The following RASGRF1 variants were observed in gnomAD, a reference collection of about 807,000 sequenced individuals.
RASGRF1 encodes Ras protein specific guanine nucleotide releasing factor 1.
Under a neutral mutation model 138.7 loss-of-function variants are expected in RASGRF1, and 40 were observed. The observed-to-expected ratio is 0.29, with a 90% CI of 0.22 to 0.38. The LOEUF (loss-of-function observed/expected upper bound fraction) is 0.38, where lower values mean the gene tolerates loss of function less well. Ranked by LOEUF, RASGRF1 falls within the 10% of genes least tolerant of loss-of-function variation. The probability of loss-of-function intolerance (pLI) is 1.00; values close to 1 mark genes in which losing one functional copy is unlikely to be tolerated. For synonymous variants in RASGRF1, 614 were observed against 663.2 expected (o/e 0.93, Z 1.14); for missense variants, 1,108 against 1,650.4 (o/e 0.67, Z 5.69).
intron 6 of RASGRF1, among the ~76,000 whole-genome samples, chr15:79,034,924 G>C (rs1345521582): frequency 6.6e-6 from 1 of 152,222 alleles, no homozygotes; most frequent in Non-Finnish European, 1.5e-5. Flanking sequence ...AGGGGAAAGT[G>C]GATAGGAAAC....
chr15:79,089,045 T>C (rs2058018458), intron 1 of RASGRF1, among the ~76,000 whole-genome samples: 1 of 152,218 alleles, frequency 6.6e-6, no homozygotes, highest in East Asian at 1.9e-4. Context: ...CTTCAAGCGA[T>C]GCTTTTATTT....
At chr15:79,042,408 G>GA (rs2057308412) in intron 5 of RASGRF1, among the ~76,000 whole-genome samples, 1 of 152,232 alleles carries the variant, frequency 6.6e-6, no homozygotes, top group Non-Finnish European at 1.5e-5. Context: ...GTCTGAGGCA[G>GA]GGAGAGCAGT....
intron 26 of RASGRF1, among the ~76,000 whole-genome samples, chr15:78,968,417 G>A (rs372360755): frequency 1.9e-4 from 29 of 151,896 alleles, no homozygotes; most frequent in East Asian, 1.4e-3. Context: ...GACTACAGGC[G>A]TGCACCACCA....
chr15:78,990,622 G>A (rs1417961218), intron 21 of RASGRF1, among the ~76,000 whole-genome samples: 1 of 152,226 alleles, frequency 6.6e-6, no homozygotes, highest in Non-Finnish European at 1.5e-5. Context: ...TTTCTGACAG[G>A]GAGAATTCAC....
At position 79,079,619 on chromosome 15, in the gene RASGRF1, T is replaced by C. The variant is rs147207836; in HGVS notation, c.276+10604A>G. Among the ~76,000 whole-genome samples, 38 of 152,232 alleles carry C rather than the reference T, an allele frequency of 2.5e-4. No individual in the cohort carries two copies. The East Asian group carries it at 5.4e-3, about 22-fold the overall frequency. ...TTATATAATTATACATGCATGCATA[T>C]AGACAGACAGATGTTTGCATGTACA... is the stretch of plus-strand genomic sequence containing the variant. On this transcript the variant is annotated intron_variant, in intron 1 of 26. Transcript: ENST00000558480.
rs1394678552 is a variant in RASGRF1 at position 79,090,322 on chromosome 15, G to T, written c.177C>A (p.Ser59Arg). 1 of 1,613,760 alleles carries T rather than the reference G, an allele frequency of 6.2e-7. No homozygotes were observed. The highest frequency in any genetic ancestry group is 1.3e-5 in the African/African-American group (1 of 74,942). Residue 59 changes from serine (S) to arginine (R), a missense_variant, in exon 1 of 27, where the codon AGC (serine) becomes AGA (arginine). By Grantham distance (110) the Ser-to-Arg change is moderately radical. This residue lies in a region of RASGRF1 where 253 missense variants were observed against 329.5 expected (regional missense o/e 0.77). Transcript: ENST00000558480. ...NLLFYFESDS[S>R]SRPSGLYLLE... ...GCAGGTAAAGCCCCGAGGGCCGCGA[G>T]CTCGAGTCGCTCTCGAAGTAGAAGA...
chr15:79,042,305 C>A (rs2057306915), intron 5 of RASGRF1, among the ~76,000 whole-genome samples: 1 of 152,170 alleles, frequency 6.6e-6, no homozygotes, highest in South Asian at 2.1e-4. Context: ...AGCCTAAAAG[C>A]AAATCTAGGG....
rs981733544 is a variant in RASGRF1, at chr15:79,001,735, A to G, written c.2502T>C (p.Asp834=). ...TTGGTGATGTTTCAGTATCACCATC[A>G]TCACTCTGGTTTTGATCAATATCTG... is the stretch of plus-strand genomic sequence containing the variant. ...EESDIDQNQS[D]DGDTETSPTK... Residue 834 remains aspartate, a synonymous_variant, in exon 16 of 27, where the codon GAT becomes GAC. Transcript: ENST00000558480. 9.9e-6 allele frequency: 16 copies of G among 1,610,574 alleles called. No individual in the cohort carries two copies. The highest frequency in any genetic ancestry group is 1.3e-5 in the Non-Finnish European group (15 of 1,176,858).
At chr15:78,989,852 G>C (rs2056232694) in intron 22 of RASGRF1, among the ~76,000 whole-genome samples, 1 of 152,148 alleles carries the variant, frequency 6.6e-6, no homozygotes, top group African/African-American at 2.4e-5. Context: ...CTTTGCCACA[G>C]ACTCCGCAAA....
intron 26 of RASGRF1, among the ~76,000 whole-genome samples, chr15:78,963,850 A>G (rs779708230): frequency 2.0e-5 from 3 of 152,204 alleles, no homozygotes; most frequent in Non-Finnish European, 4.4e-5. Flanking sequence ...AGACATGGCG[A>G]TTTTATGACC....
chr15:79,030,705 G>A (rs2057124471), intron 8 of RASGRF1, among the ~76,000 whole-genome samples: 1 of 152,184 alleles, frequency 6.6e-6, no homozygotes, highest in South Asian at 2.1e-4. Flanking sequence ...CTTGACTCTA[G>A]TCTTTCTCTT....
chr15:79,086,406 G>A (rs1428495366), intron 1 of RASGRF1, among the ~76,000 whole-genome samples: 1 of 152,196 alleles, frequency 6.6e-6, no homozygotes, highest in Non-Finnish European at 1.5e-5. Flanking sequence ...AGCCACAGAT[G>A]AAATTGTTTC....
chr15:78,993,267 G>GC (rs2056315312), intron 20 of RASGRF1, among the ~76,000 whole-genome samples: 15 of 90,564 alleles, frequency 1.7e-4, no homozygotes, highest in South Asian at 6.6e-4. Flanking sequence ...GTGGTGTGGT[G>GC]TGTGTGGTGT....
chr15:79,057,533 C>T (rs188056300), intron 3 of RASGRF1, among the ~76,000 whole-genome samples: 44 of 152,274 alleles, frequency 2.9e-4, no homozygotes, highest in Non-Finnish European at 1.9e-4. Context: ...TATGATATGG[C>T]CAGATGGTTC....
chr15:78,995,929 C>T (rs1450123529), intron 19 of RASGRF1, 129 bp from the exon 20 acceptor site: 2 of 824,534 alleles, frequency 2.4e-6, no homozygotes, highest in African/African-American at 1.7e-5. Flanking sequence ...GCCAGGAGCA[C>T]CCTTTCCCCT....
intron 26 of RASGRF1, among the ~76,000 whole-genome samples, chr15:78,968,460 G>A (rs942863589): frequency 6.6e-6 from 1 of 151,894 alleles, no homozygotes; most frequent in African/African-American, 2.4e-5. Flanking sequence ...ATTTTTGCTA[G>A]AGATAGGATC....
At chr15:79,036,120 GAACAC>G (rs1448587057) in intron 5 of RASGRF1, among the ~76,000 whole-genome samples, 1 of 152,226 alleles carries the variant, frequency 6.6e-6, no homozygotes, top group Non-Finnish European at 1.5e-5. Context: ...AGGACTGAGA[GAACAC>G]CAGAGCGAGG....
intron 20 of RASGRF1, 86 bp downstream of exon 20, chr15:78,995,654 C>A (rs936067608): frequency 2.7e-6 from 4 of 1,460,338 alleles, no homozygotes; most frequent in Middle Eastern, 1.7e-4. Context: ...AAAATGAATA[C>A]GGGTGATGCC....
chr15:79,052,049 G>T (rs561106988), intron 3 of RASGRF1, among the ~76,000 whole-genome samples: 5 of 152,280 alleles, frequency 3.3e-5, no homozygotes, highest in African/African-American at 1.2e-4. Flanking sequence ...GTGAATTACA[G>T]CCATGGGGAA....
Sources: allele counts gnomAD v4.1 joint callset (sites outside exome capture counted in the v4.1 genomes callset), GRCh38; gene constraint gnomAD v4.1.1; regional missense constraint gnomAD v4.1.1; transcripts MANE v1.5; gene names NCBI Gene and HGNC (gene_info 2026-07-23, HGNC 2026-07-21).